The following ADGRG4 variants were observed in gnomAD, a reference collection of about 807,000 sequenced individuals.
ADGRG4 encodes adhesion G protein-coupled receptor G4.
In ADGRG4, 122 loss-of-function variants were observed where a neutral mutation model predicts 126.2. The observed-to-expected ratio is 0.97, with a 90% confidence interval of 0.83 to 1.12. ADGRG4 has a LOEUF of 1.12. Among genes scored for constraint, ADGRG4 ranks in the 50% most tolerant of loss-of-function variants. The pLI, the probability that ADGRG4 is intolerant of heterozygous loss-of-function variation, is 0.00. For synonymous variants in ADGRG4, 943 were observed against 838.7 expected (o/e 1.12, Z -2.15); for missense variants, 2,481 against 2,251.8 (o/e 1.10, Z -2.06).
chrX:136,322,867 C>G lies in ADGRG4; in HGVS notation c.160C>G (p.Arg54Gly), dbSNP rs148277760. The change falls in exon 5 of 26, where the codon CGA becomes GGA. Residue 54 changes from arginine to glycine, a missense_variant. Transcript: ENST00000394143. ...SLIDTIPELS[R>G]FTACIDLVFM... ...GATAGATACCATTCCTGAACTCAGC[C>G]GATTCACAGCATGCATTGATCTGGT... The G allele has an allele frequency of 1.6e-4, 197 of 1,209,376 alleles. 1 individual carries two copies. Among genetic ancestry groups the G allele is most frequent in the South Asian group, 1.5e-3 (86 of 56,758 alleles).
chrX:136,335,922 T>G (rs943593385), intron 5 of ADGRG4, among the ~76,000 whole-genome samples: 9 of 110,519 alleles, frequency 8.1e-5, no homozygotes, highest in Non-Finnish European at 1.7e-4. Flanking sequence ...TATCTTGGGG[T>G]TTTTTTTAGG....
intron 15 of ADGRG4, among the ~76,000 whole-genome samples, chrX:136,377,376 A>G (rs1262579572): frequency 1.8e-5 from 2 of 108,552 alleles, no homozygotes; most frequent in African/African-American, 6.7e-5. Context: ...AATTTTTTGT[A>G]GAGATGGGGC....
rs1203318893 is a variant in ADGRG4 at position 136,340,342 on chromosome X, T to G, written c.686-4050T>G. Among the ~76,000 whole-genome samples, 5 of 111,595 alleles carry G rather than the reference T, an allele frequency of 4.5e-5. No individual in the cohort carries two copies. In the Admixed American group the frequency reaches 4.7e-4, roughly 11 times the overall value. On this transcript the variant is annotated intron_variant, in intron 5 of 25. Coordinates refer to ENST00000394143, the MANE Select transcript of ADGRG4 (RefSeq NM_153834.4). ...ATGGATCCTGATTCTAAAAAGCTAC[T>G]GATTGTTTGATTGAATTGTCTTTAT...
chrX:136,397,099 C>T (rs1456493816), intron 19 of ADGRG4, among the ~76,000 whole-genome samples: 1 of 111,287 alleles, frequency 9.0e-6, no homozygotes, highest in East Asian at 2.8e-4. Flanking sequence ...CCAAATAATT[C>T]TTTGTCGTGG....
chrX:136,302,836 A>G (rs780986166), intron 1 of ADGRG4, among the ~76,000 whole-genome samples: 1 of 112,228 alleles, frequency 8.9e-6, no homozygotes, highest in Non-Finnish European at 1.9e-5. Context: ...CATTGATTTT[A>G]TACAAATAAT....
chrX:136,344,383 T>C lies in ADGRG4; in HGVS notation c.686-9T>C, dbSNP rs1348386137. The C allele has an allele frequency of 1.8e-6, 2 of 1,111,482 alleles. No homozygotes were observed. The highest frequency in any genetic ancestry group is 1.8e-5 in the African/African-American group (1 of 54,117). 91.6% of individuals were successfully genotyped at this position (1,111,482 alleles called of 1,213,427 possible). On this transcript the variant is annotated splice_polypyrimidine_tract_variant and intron_variant, in intron 5 of 25. Coordinates refer to ENST00000394143, the MANE Select transcript of ADGRG4 (RefSeq NM_153834.4). ...ATCCAAAATAACACATTCTTTCTGATTTTTTTAGTTGTTCCTGAAAATATG... is the reference window on the plus strand; with the variant it reads ...ATCCAAAATAACACATTCTTTCTGACTTTTTTAGTTGTTCCTGAAAATATG...
At chrX:136,330,448 A>G (rs1303513665) in intron 5 of ADGRG4, among the ~76,000 whole-genome samples, 1 of 109,292 alleles carries the variant, frequency 9.1e-6, no homozygotes, top group Non-Finnish European at 1.9e-5. Flanking sequence ...TGAGTGTCTC[A>G]ATAGTTTACT....
chrX:136,400,345 C>G (rs897644010), intron 21 of ADGRG4, among the ~76,000 whole-genome samples: 1 of 111,711 alleles, frequency 9.0e-6, no homozygotes, highest in African/African-American at 3.3e-5. Context: ...GTGTATTGTG[C>G]TAAGTGCTGG....
At chrX:136,351,586 G>A (rs2148470747) in intron 7 of ADGRG4, 45 bp downstream of exon 7, 1 of 565,275 alleles carries the variant, frequency 1.8e-6, no homozygotes, top group Non-Finnish European at 2.8e-6. Context: ...AAATATATGT[G>A]AATATATACA....
Position 136,363,491 on chromosome X carries a change from A to G in ADGRG4, c.7292A>G (p.Asn2431Ser), listed in dbSNP as rs781125083. ...CTCTTTTTCAGTTCAATCAGCATCA[A>G]CACGGGCAAATCTCAGTGGGAAAAG... ...NATRFCSISI[N>S]TGKSQWEKPK... The change falls in exon 13 of 26, where the codon AAC becomes AGC. Residue 2431 changes from asparagine (N) to serine (S), a missense_variant. Transcript: ENST00000394143. 1 of 1,188,128 alleles carries G rather than the reference A, an allele frequency of 8.4e-7. No individual in the cohort carries two copies. Among genetic ancestry groups the G allele is most frequent in the Admixed American group, 2.2e-5 (1 of 46,000 alleles).
In ADGRG4 at chrX:136,349,281, C is replaced by G. The variant is rs773478883; in HGVS notation, c.5575C>G (p.Gln1859Glu). The G allele has an allele frequency of 5.3e-5, 64 of 1,204,535 alleles. No individual in the cohort carries two copies. In the South Asian group the frequency reaches 1.1e-3, roughly 20 times the overall value. The part of the protein sequence containing the change: ...TPKTSPPPTS[Q>E]MVEFPVLGTR... ...AAAGACCTCTCCTCCTCCCACATCC[C>G]AAATGGTTGAATTTCCAGTTCTGGG... Residue 1859 changes from glutamine to glutamate, a missense_variant, in exon 6 of 26, where the codon CAA (glutamine) becomes GAA (glutamate). Gln to Glu is a conservative substitution (Grantham distance 29). Transcript: ENST00000394143.
chrX:136,326,947 T>C (rs981312247), intron 5 of ADGRG4, among the ~76,000 whole-genome samples: 1 of 110,696 alleles, frequency 9.0e-6, no homozygotes, highest in Non-Finnish European at 1.9e-5. Flanking sequence ...CTGAAAAACA[T>C]GAACCCTACC....
intron 22 of ADGRG4, among the ~76,000 whole-genome samples, chrX:136,404,335 C>T (rs1284520878): frequency 9.0e-6 from 1 of 111,263 alleles, no homozygotes; most frequent in African/African-American, 3.3e-5. Context: ...CCATCAAAAG[C>T]AAGAGCAAAA....
chrX:136,394,184 G>A (rs577371943), intron 18 of ADGRG4, among the ~76,000 whole-genome samples: 2 of 111,226 alleles, frequency 1.8e-5, no homozygotes, highest in Middle Eastern at 9.3e-3. Context: ...AAACTTCTTG[G>A]TTGGTCTCTA....
At chrX:136,307,072 A>G (rs1289981693) in intron 3 of ADGRG4, among the ~76,000 whole-genome samples, 1 of 111,968 alleles carries the variant, frequency 8.9e-6, no homozygotes, top group African/African-American at 3.2e-5. Context: ...TGATTTATTT[A>G]TTGGGCACCA....
At chrX:136,393,419 G>A (rs1714739729) in intron 17 of ADGRG4, 116 bp from the exon 18 acceptor site, 1 of 548,473 alleles carries the variant, frequency 1.8e-6, no homozygotes, top group African/African-American at 2.3e-5. Flanking sequence ...GTGCATGTCA[G>A]TGTGTGCATG....
intron 1 of ADGRG4, among the ~76,000 whole-genome samples, chrX:136,302,471 GACAA>G (rs1451659846): frequency 8.9e-6 from 1 of 112,050 alleles, no homozygotes; most frequent in Non-Finnish European, 1.9e-5. Context: ...ACCAATAACA[GACAA>G]ACAGAGAGCC....
intron 3 of ADGRG4, among the ~76,000 whole-genome samples, chrX:136,307,465 A>T (rs901788531): frequency 4.5e-5 from 5 of 112,285 alleles, no homozygotes; most frequent in Non-Finnish European, 9.4e-5. Context: ...CCTTACTTCT[A>T]AGCTCATAGT....
rs767885050 is a variant in ADGRG4, at chrX:136,346,179, C to T, written c.2473C>T (p.Pro825Ser). The change falls in exon 6 of 26, where the codon CCT becomes TCT. Residue 825 changes from proline to serine, a missense_variant. Transcript: ENST00000394143. ...AATTGTATTTGGAGGTACAACGACC[C>T]CTGTACCAAAGTCAGCAACAACACA... ...GAIVFGGTTT[P>S]VPKSATTQRL... 8.3e-7 allele frequency: 1 copy of T among 1,207,213 alleles called. No individual in the cohort carries two copies. Among genetic ancestry groups the T allele is most frequent in the Middle Eastern group, 2.3e-4 (1 of 4,320 alleles).
Sources: gnomAD v4.1 joint callset for allele counts (sites outside exome capture counted in the v4.1 genomes callset) on GRCh38, gnomAD v4.1.1 for gene constraint, MANE v1.5 for transcripts, NCBI Gene and HGNC (gene_info 2026-07-23, HGNC 2026-07-21) for gene names.